Variants in CSNK1G1 observed in about 807,000 individuals in gnomAD.
CSNK1G1 encodes casein kinase 1 gamma 1.
Under a neutral mutation model 59.6 loss-of-function variants are expected in CSNK1G1, and 22 were observed. The ratio of observed to expected loss-of-function variants is 0.37; its 90% confidence interval spans 0.26 to 0.53. The LOEUF (loss-of-function observed/expected upper bound fraction) is 0.53. CSNK1G1 is among the 20% of genes least tolerant of loss of function. The pLI is 0.89. For synonymous variants in CSNK1G1, 179 were observed against 177.1 expected, an observed-to-expected ratio of 1.01 and a Z score of -0.08; for missense variants, 384 against 519.5, an observed-to-expected ratio of 0.74 and a Z score of 2.54.
chr15:64,323,271 T>C (rs1037231345), intron 1 of CSNK1G1, among the ~76,000 whole-genome samples: 6 of 152,144 alleles, frequency 3.9e-5, no homozygotes, highest in African/African-American at 1.4e-4. Context: ...TGAAAAGCTG[T>C]GGTTTAAAAT....
intron 1 of CSNK1G1, among the ~76,000 whole-genome samples, chr15:64,308,691 T>TC (rs930117702): frequency 6.6e-6 from 1 of 151,978 alleles, no homozygotes; most frequent in Non-Finnish European, 1.5e-5. Flanking sequence ...GGTCAGGAGA[T>TC]CGAGACCATC....
intron 2 of CSNK1G1, among the ~76,000 whole-genome samples, chr15:64,281,315 A>C (rs1363168437): frequency 1.3e-5 from 2 of 152,198 alleles, no homozygotes; most frequent in African/African-American, 4.8e-5. Context: ...ATACAGACAG[A>C]AAGTAGGGGC....
chr15:64,286,561 ACTAATTT>A (rs1052622961), intron 2 of CSNK1G1, among the ~76,000 whole-genome samples: 1 of 152,120 alleles, frequency 6.6e-6, no homozygotes, highest in African/African-American at 2.4e-5. Flanking sequence ...CAGTATAGTT[ACTAATTT>A]CTAAGTATGA....
chr15:64,304,664 T>C (rs1895568431), intron 1 of CSNK1G1, among the ~76,000 whole-genome samples: 1 of 152,168 alleles, frequency 6.6e-6, no homozygotes, highest in East Asian at 1.9e-4. Context: ...CAAAAAAAGT[T>C]TCACTAATTT....
At position 64,351,509 on chromosome 15, in the gene CSNK1G1, G is replaced by A. The variant is rs1026297180; in HGVS notation, c.-225+4479C>T. Reference sequence around the variant, plus strand: ...AGTGGTGATTGAGAAATCTCTAACCGTCTCTATTCATTGCACACAATTAAG... The same window carrying A: ...AGTGGTGATTGAGAAATCTCTAACCATCTCTATTCATTGCACACAATTAAG... On this transcript the variant is annotated intron_variant, in intron 1 of 11. Transcript: ENST00000303052. 5.3e-5 allele frequency among the ~76,000 whole-genome samples: 8 copies of A among 152,142 alleles called. No individual in the cohort carries two copies. The East Asian group carries it at 7.7e-4, about 15-fold the overall frequency.
At chr15:64,298,376 T>C (rs564195917) in intron 2 of CSNK1G1, among the ~76,000 whole-genome samples, 2 of 152,326 alleles carry the variant, frequency 1.3e-5, no homozygotes, top group African/African-American at 4.8e-5. Flanking sequence ...ATTTAATCCA[T>C]CCAAGTAGTA....
chr15:64,285,746 G>A (rs1894373334), intron 2 of CSNK1G1, among the ~76,000 whole-genome samples: 1 of 151,876 alleles, frequency 6.6e-6, no homozygotes, highest in African/African-American at 2.4e-5. Flanking sequence ...CTTTAGCTAT[G>A]AACACCTCTG....
intron 6 of CSNK1G1, among the ~76,000 whole-genome samples, chr15:64,208,967 G>T (rs1253207494): frequency 6.6e-6 from 1 of 151,336 alleles, no homozygotes; most frequent in African/African-American, 2.4e-5. Flanking sequence ...GGACACTGCA[G>T]CCTCGCCCTC....
chr15:64,265,356 G>C lies in CSNK1G1; in HGVS notation c.182-6115C>G, dbSNP rs546642807. Among the ~76,000 whole-genome samples the C allele has an allele frequency of 2.8e-4, 42 of 152,318 alleles. 1 individual carries two copies. The highest frequency in any genetic ancestry group is 6.8e-3 in the Middle Eastern group (2 of 294). On this transcript the variant is annotated intron_variant, in intron 2 of 11. Transcript: ENST00000303052. ...TCCCATGTATAGTGGGAGAGACCCA[G>C]AGGGAGGTAACTGAATCATGGGGTG...
At chr15:64,278,418 G>GTGTGTGTGTA (rs1491160345) in intron 2 of CSNK1G1, among the ~76,000 whole-genome samples, 1 of 77,704 alleles carries the variant, frequency 1.3e-5, no homozygotes, top group African/African-American at 7.9e-5. Context: ...GTGTGTGTGT[G>GTGTGTGTGTA]TATATATATA....
intron 1 of CSNK1G1, among the ~76,000 whole-genome samples, chr15:64,340,314 CTTG>C (rs1473391640): frequency 6.6e-6 from 1 of 152,228 alleles, no homozygotes; most frequent in African/African-American, 2.4e-5. Context: ...ATAGCTCTGT[CTTG>C]TTGTGTTGTT....
chr15:64,190,112 G>A (rs1000127787), intron 10 of CSNK1G1, among the ~76,000 whole-genome samples: 1 of 151,986 alleles, frequency 6.6e-6, no homozygotes, highest in Non-Finnish European at 1.5e-5. Flanking sequence ...GAGCCACCAC[G>A]CCTGGCCAAT....
Position 64,198,356 on chromosome 15 carries a change from C to A in CSNK1G1, c.1107+4726G>T, listed in dbSNP as rs550852736. The stretch of plus-strand genomic sequence containing the variant: ...AAGTAACTGAGATTACAGGCGCCCA[C>A]CACCACACCCAGCTAATTTTTGTAT... On this transcript the variant is annotated intron_variant, in intron 10 of 11. Coordinates refer to ENST00000303052, the MANE Select transcript of CSNK1G1 (RefSeq NM_022048.5). 1.8e-4 allele frequency among the ~76,000 whole-genome samples: 28 copies of A among 151,958 alleles called. No individual in the cohort carries two copies. In the South Asian group the frequency reaches 5.8e-3, roughly 32 times the overall value.
chr15:64,180,290 G>C lies in CSNK1G1; in HGVS notation c.1214+58C>G, dbSNP rs1485543164. 3.3e-6 allele frequency: 4 copies of C among 1,230,360 alleles called. No individual in the cohort carries two copies. In the Admixed American group the frequency reaches 5.1e-5, roughly 16 times the overall value. 76.2% of individuals were successfully genotyped at this position (1,230,360 alleles called of 1,614,324 possible). On this transcript the variant is annotated intron_variant, in intron 11 of 11. Coordinates refer to ENST00000303052, the MANE Select transcript of CSNK1G1 (RefSeq NM_022048.5). ...GAGACGAGCAGCACACAGAGAGGAA[G>C]AGACAGAAAAGATTTTTCAACCCAT...
chr15:64,280,516 T>C (rs1427094479), intron 2 of CSNK1G1, among the ~76,000 whole-genome samples: 3 of 151,582 alleles, frequency 2.0e-5, no homozygotes, highest in Non-Finnish European at 4.4e-5. Context: ...TCTATAAAAA[T>C]AGCCCGGCTA....
chr15:64,206,317 G>A (rs940032258), intron 7 of CSNK1G1, among the ~76,000 whole-genome samples: 1 of 152,134 alleles, frequency 6.6e-6, no homozygotes, highest in Admixed American at 6.6e-5. Flanking sequence ...GCGTGTGCCT[G>A]TAGTCCCAGC....
chr15:64,201,069 C>T (rs770996002), intron 10 of CSNK1G1, among the ~76,000 whole-genome samples: 22 of 151,900 alleles, frequency 1.4e-4, no homozygotes, highest in African/African-American at 3.1e-4. Context: ...GTCAGGAGTT[C>T]GAGACCAGCC....
chr15:64,243,490 A>G (rs998941353), intron 4 of CSNK1G1, among the ~76,000 whole-genome samples: 9 of 152,170 alleles, frequency 5.9e-5, no homozygotes, highest in Non-Finnish European at 1.5e-5. Context: ...AATTGGAACA[A>G]GACAGGATGC....
Position 64,185,878 on chromosome 15 carries a change from A to G in CSNK1G1, c.1108-5424T>C, listed in dbSNP as rs192592147. On this transcript the variant is annotated intron_variant, in intron 10 of 11. Coordinates refer to ENST00000303052, the MANE Select transcript of CSNK1G1 (RefSeq NM_022048.5). Reference sequence around the variant, plus strand: ...CTCCATCTCGAAAAAAAAAAAAAAAAAGAGAGAAAAAGAAATATGCTTATT... The same window carrying G: ...CTCCATCTCGAAAAAAAAAAAAAAAGAGAGAGAAAAAGAAATATGCTTATT... Among the ~76,000 whole-genome samples, 679 of 151,730 alleles carry G rather than the reference A, an allele frequency of 4.5e-3. 3 individuals are homozygous for G. Among genetic ancestry groups the G allele is most frequent in the African/African-American group, 0.012 (477 of 41,406 alleles).
Sources: allele counts gnomAD v4.1 joint callset (sites outside exome capture counted in the v4.1 genomes callset), GRCh38; gene constraint gnomAD v4.1.1; transcripts MANE v1.5; gene names NCBI Gene and HGNC (gene_info 2026-07-23, HGNC 2026-07-21).